TMC2: variants seen among roughly 807,000 people sequenced by gnomAD.
TMC2 encodes transmembrane channel-like protein 2.
Under a neutral mutation model 105.9 loss-of-function variants are expected in TMC2, and 102 were observed. That is an observed-to-expected ratio of 0.96 (90% CI 0.82 to 1.14). TMC2 has a LOEUF of 1.14. TMC2 is among the 50% of genes most tolerant of loss of function. The pLI, the probability that TMC2 is intolerant of heterozygous loss-of-function variation, is 0.00. For missense variants in TMC2, 1,093 were observed against 1,134.3 expected (o/e 0.96, Z 0.52); for synonymous variants, 402 against 422.8 (o/e 0.95, Z 0.60).
chr20:2,625,908 T>G (rs185957082), intron 17 of TMC2, among the ~76,000 whole-genome samples: 1 of 152,354 alleles, frequency 6.6e-6, no homozygotes, highest in Admixed American at 6.5e-5. Flanking sequence ...TTCTTGAACA[T>G]AGTGGTTATA....
intron 7 of TMC2, among the ~76,000 whole-genome samples, chr20:2,580,413 T>A (rs1328292390): frequency 6.6e-6 from 1 of 152,160 alleles, no homozygotes; most frequent in African/African-American, 2.4e-5. Context: ...GAATCTTACA[T>A]TTTTCTACTT....
intron 16 of TMC2, 36 bp from the exon 17 acceptor site, chr20:2,624,235 G>A: frequency 1.2e-6 from 2 of 1,603,556 alleles, no homozygotes; most frequent in Non-Finnish European, 1.7e-6. Flanking sequence ...ACAGGCACAT[G>A]GCAGCATGTT....
At chr20:2,595,474 C>T (rs555284672) in intron 9 of TMC2, among the ~76,000 whole-genome samples, 51 of 152,264 alleles carry the variant, frequency 3.3e-4, no homozygotes, top group African/African-American at 1.2e-3. Flanking sequence ...ACCAAATAAA[C>T]TTATACTAAA....
chr20:2,630,936 T>C (rs1168423107), intron 17 of TMC2, among the ~76,000 whole-genome samples: 1 of 152,234 alleles, frequency 6.6e-6, no homozygotes, highest in Non-Finnish European at 1.5e-5. Context: ...GTTTGATTCA[T>C]TTACATTTAA....
chr20:2,564,642 G>T (rs1277389415), intron 4 of TMC2, among the ~76,000 whole-genome samples: 1 of 152,194 alleles, frequency 6.6e-6, no homozygotes, highest in African/African-American at 2.4e-5. Context: ...TCTCCAGCTG[G>T]CTGGAAGTCT....
chr20:2,617,162 C>A lies in TMC2; in HGVS notation c.2031C>A (p.Ser677Arg). The A allele has an allele frequency of 6.2e-7, 1 of 1,614,226 alleles. No individual in the cohort carries two copies. ...ACTTCCAGTGCTGGGCGGTGATGAG[C>A]AGCAACGTACCCCATGAACGCGTGT... ...SMYFQCWAVM[S>R]SNVPHERVFK... is the part of the protein sequence containing the mutation. The change falls in exon 16 of 20, where the codon AGC becomes AGA. Residue 677 changes from serine (S) to arginine (R), a missense_variant. Physicochemically the swap from Ser to Arg is moderately radical, Grantham distance 110 (BLOSUM62 -1). Transcript: ENST00000358864.
chr20:2,603,832 A>G (rs1233264396), intron 11 of TMC2, among the ~76,000 whole-genome samples: 2 of 152,234 alleles, frequency 1.3e-5, no homozygotes, highest in South Asian at 2.1e-4. Context: ...GTTCCATCCC[A>G]CTAGGGCCAG....
At chr20:2,590,519 A>G (rs1207713716) in intron 7 of TMC2, among the ~76,000 whole-genome samples, 1 of 152,046 alleles carries the variant, frequency 6.6e-6, no homozygotes, top group Non-Finnish European at 1.5e-5. Context: ...AAAATTACCT[A>G]AAAATGAAGA....
intron 7 of TMC2, among the ~76,000 whole-genome samples, chr20:2,582,305 C>T (rs1161404172): frequency 6.6e-6 from 1 of 152,046 alleles, no homozygotes; most frequent in Non-Finnish European, 1.5e-5. Flanking sequence ...AGGAAGTGTC[C>T]TGTTGGTCAA....
intron 2 of TMC2, among the ~76,000 whole-genome samples, chr20:2,544,243 AC>A (rs1411315464): frequency 6.6e-6 from 1 of 151,832 alleles, no homozygotes; most frequent in Non-Finnish European, 1.5e-5. Context: ...TTAGTGGATA[AC>A]CCTTGCTGGA....
At position 2,617,246 on chromosome 20, in the gene TMC2, C is replaced by T. The variant is rs371280960; in HGVS notation, c.2115C>T (p.Leu705=). 2.2e-5 allele frequency: 35 copies of T among 1,614,122 alleles called. No homozygotes were observed. Among genetic ancestry groups the T allele is most frequent in the African/African-American group, 5.3e-5 (4 of 74,946 alleles). Residue 705 remains leucine, a synonymous_variant, in exon 16 of 20, where the codon CTC becomes CTT. Transcript: ENST00000358864. Reference sequence around the variant, plus strand: ...GCCTCCTGCTGCTGGTGCTCTTCCTCAGCCTCCTGCCGGTGGCCTACACCA... The same window carrying T: ...GCCTCCTGCTGCTGGTGCTCTTCCTTAGCCTCCTGCCGGTGGCCTACACCA... ...YMGLLLLVLF[L]SLLPVAYTIM... is the part of the protein sequence containing the mutation.
chr20:2,610,266 G>T (rs1457131462), intron 11 of TMC2, among the ~76,000 whole-genome samples, 153 bp from the exon 12 acceptor site: 1 of 152,158 alleles, frequency 6.6e-6, no homozygotes, highest in Non-Finnish European at 1.5e-5. Flanking sequence ...CCTTTGCCAG[G>T]GTCACACAGC....
chr20:2,545,996 A>T (rs1022308942), intron 2 of TMC2, among the ~76,000 whole-genome samples: 10 of 152,240 alleles, frequency 6.6e-5, no homozygotes, highest in Admixed American at 3.3e-4. Context: ...TTGAAAGCAG[A>T]TAGTCTCCAA....
At chr20:2,601,095 A>G (rs2086348877) in intron 10 of TMC2, among the ~76,000 whole-genome samples, 1 of 152,328 alleles carries the variant, frequency 6.6e-6, no homozygotes, top group East Asian at 1.9e-4. Context: ...GTACAAGACC[A>G]TTACACCAAA....
rs373128252 is a variant in TMC2, at chr20:2,612,155, C to T, written c.1594-36C>T. 7 of 1,562,888 alleles carry T rather than the reference C, an allele frequency of 4.5e-6. No individual in the cohort carries two copies. The African/African-American group carries it at 6.7e-5, about 15-fold the overall frequency. ...ATGGAAACAGTTGGACCATCCCTAG[C>T]TCCTTCCTACCCCACACCTCCATCT... On this transcript the variant is annotated intron_variant, in intron 12 of 19. Coordinates refer to ENST00000358864, the MANE Select transcript of TMC2 (RefSeq NM_080751.3).
chr20:2,558,565 A>G lies in TMC2; in HGVS notation c.192A>G (p.Pro64=). The G allele has an allele frequency of 6.4e-7, 1 of 1,553,094 alleles. No homozygotes were observed. Among genetic ancestry groups the G allele is most frequent in the Non-Finnish European group, 8.7e-7 (1 of 1,147,964 alleles). Residue 64 remains proline (P), a synonymous_variant, in exon 3 of 20, where the codon CCA becomes CCG. Coordinates refer to ENST00000358864, the MANE Select transcript of TMC2 (RefSeq NM_080751.3). This position sits in a 1 kb window ranked among gnomAD's most constrained non-coding sequence, Gnocchi z 4.6. ...AGAAGGAGCGCGCCGGGGGCAGCCC[A>G]AGCCCGGGGTCTCCCCGGAGGAAGC... is the stretch of plus-strand genomic sequence containing the variant. ...RSQKERAGGS[P]SPGSPRRKQT... is the part of the protein sequence containing the mutation.
intron 5 of TMC2, among the ~76,000 whole-genome samples, chr20:2,576,903 T>G (rs1362329385): frequency 8.4e-6 from 1 of 119,688 alleles, no homozygotes; most frequent in Non-Finnish European, 1.7e-5. Context: ...CTTCTTGGTT[T>G]TTTTTTTTTG....
rs202174236 is a variant in TMC2, at chr20:2,617,153, G to A, written c.2022G>A (p.Ala674=). The A allele has an allele frequency of 5.5e-5, 89 of 1,614,186 alleles. No homozygotes were observed. Among genetic ancestry groups the A allele is most frequent in the African/African-American group, 4.7e-4 (35 of 75,042 alleles). Reference sequence around the variant, plus strand: ...CCTCCATGTACTTCCAGTGCTGGGCGGTGATGAGCAGCAACGTACCCCATG... The same window carrying A: ...CCTCCATGTACTTCCAGTGCTGGGCAGTGATGAGCAGCAACGTACCCCATG... ...LLTSMYFQCW[A]VMSSNVPHER... Residue 674 remains alanine, a synonymous_variant, in exon 16 of 20, where the codon GCG becomes GCA. Coordinates refer to ENST00000358864, the MANE Select transcript of TMC2 (RefSeq NM_080751.3).
In TMC2 at chr20:2,610,611, ACACCCCC is replaced by A. The variant is rs773967585; in HGVS notation, c.1593+20_1593+26del. On this transcript the variant is annotated intron_variant, in intron 12 of 19. Coordinates refer to ENST00000358864, the MANE Select transcript of TMC2 (RefSeq NM_080751.3). ...CGTCCACCTCAAGGTAAAAACCACA[ACACCCCC>A]CACCCCACTGCAATTCCTGGTGCCC... is the stretch of plus-strand genomic sequence containing the variant. 7 of 1,549,484 alleles carry A rather than the reference ACACCCCC, an allele frequency of 4.5e-6. No individual in the cohort carries two copies. The South Asian group carries it at 8.4e-5, about 19-fold the overall frequency.
Sources: gnomAD v4.1 joint callset for allele counts (sites outside exome capture counted in the v4.1 genomes callset) on GRCh38, gnomAD v4.1.1 for gene constraint, Gnocchi (gnomAD v3.1) non-coding constraint, MANE v1.5 for transcripts, NCBI Gene and HGNC (gene_info 2026-07-23, HGNC 2026-07-21) for gene names.